PPP2R2C: variants seen among roughly 807,000 people sequenced by gnomAD.
PPP2R2C encodes protein phosphatase 2, regulatory subunit B, gamma.
PPP2R2C carries 10 observed loss-of-function variants against 45.3 expected under a neutral mutation model. The observed-to-expected ratio is 0.22, with a 90% CI of 0.14 to 0.37. The LOEUF (loss-of-function observed/expected upper bound fraction) is 0.37. Among genes scored for constraint, PPP2R2C ranks in the 10% least tolerant of loss-of-function variants. The pLI, the probability that PPP2R2C is intolerant of heterozygous loss-of-function variation, is 1.00. For synonymous variants in PPP2R2C, 257 were observed against 245.4 expected (o/e 1.05, Z -0.44); for missense variants, 308 against 619.7 (o/e 0.50, Z 5.34).
At chr4:6,375,972 G>C in intron 3 of PPP2R2C, 41 bp from the exon 4 acceptor site, 2 of 1,527,336 alleles carry the variant, frequency 1.3e-6, no homozygotes, top group Non-Finnish European at 1.8e-6. Context: ...ACATAATTAA[G>C]CAGCCGGATG....
chr4:6,350,840 G>A, intron 5 of PPP2R2C: 1 of 985,406 alleles, frequency 1.0e-6, no homozygotes, highest in African/African-American at 1.7e-5. Flanking sequence ...ACCAAAGCCA[G>A]CCTGTGACGG....
At chr4:6,385,316 T>A (rs752083837) in intron 1 of PPP2R2C, among the ~76,000 whole-genome samples, 1 of 152,244 alleles carries the variant, frequency 6.6e-6, no homozygotes. Flanking sequence ...TAATGTCTAC[T>A]CATTTTTATA....
At chr4:6,419,752 G>A (rs1175967888) in intron 1 of PPP2R2C, among the ~76,000 whole-genome samples, 6 of 152,142 alleles carry the variant, frequency 3.9e-5, no homozygotes, top group African/African-American at 1.2e-4. Flanking sequence ...GGCAGGCCTG[G>A]CTCCCTCTGG....
At chr4:6,492,806 C>T (rs1051870851) in intron 2 of PPP2R2C, among the ~76,000 whole-genome samples, 34 of 152,166 alleles carry the variant, frequency 2.2e-4, no homozygotes, top group Middle Eastern at 3.2e-3. Context: ...GACACAGGTG[C>T]ATACCGCTCC....
At chr4:6,540,476 T>C (rs1302122624) in intron 1 of PPP2R2C, among the ~76,000 whole-genome samples, 3 of 152,264 alleles carry the variant, frequency 2.0e-5, no homozygotes, top group Admixed American at 2.0e-4. Flanking sequence ...CATTCATCAG[T>C]TGATGGACAT....
chr4:6,350,321 C>T (rs988561909), intron 5 of PPP2R2C: 8 of 985,472 alleles, frequency 8.1e-6, no homozygotes, highest in Non-Finnish European at 9.6e-6. Flanking sequence ...CAGGTCCTTA[C>T]TGAACTTCAC....
At chr4:6,467,161 G>A (rs1721641491) in intron 1 of PPP2R2C, among the ~76,000 whole-genome samples, 2 of 152,296 alleles carry the variant, frequency 1.3e-5, no homozygotes, top group South Asian at 4.1e-4. Flanking sequence ...AAACAGAAGC[G>A]AAAGGAACAC....
At chr4:6,468,008 G>C (rs1472893460) in intron 1 of PPP2R2C, among the ~76,000 whole-genome samples, 1 of 152,132 alleles carries the variant, frequency 6.6e-6, no homozygotes, top group South Asian at 2.1e-4. Context: ...CACTGCAAGG[G>C]GAATGAGATC....
At chr4:6,423,603 C>A (rs16838803) in intron 1 of PPP2R2C, among the ~76,000 whole-genome samples, 2,364 of 152,242 alleles carry the variant, frequency 0.016, 34 homozygotes, top group East Asian at 0.082. Context: ...GGTAAACAGA[C>A]CCAAAAAATA....
chr4:6,451,546 G>A (rs929269041), intron 1 of PPP2R2C, among the ~76,000 whole-genome samples: 4 of 152,318 alleles, frequency 2.6e-5, no homozygotes, highest in South Asian at 2.1e-4. Flanking sequence ...AGCTTCTCTC[G>A]GGGAGGGGAC....
rs916453379 is a variant in PPP2R2C at position 6,421,183 on chromosome 4, G to A, written c.71-40089C>T. 7 of 947,920 alleles carry A rather than the reference G, an allele frequency of 7.4e-6. No homozygotes were observed. The South Asian group carries it at 3.4e-4, about 46-fold the overall frequency. 58.7% of individuals were successfully genotyped at this position (947,920 alleles called of 1,614,324 possible). A position where few individuals can be genotyped will look rare whatever the true frequency, so the allele number is the denominator to read the frequency against. On this transcript the variant is annotated intron_variant, in intron 1 of 8. Coordinates refer to ENST00000382599, the MANE Select transcript of PPP2R2C (RefSeq NM_020416.4). ...TCCTGGTTAGCACATGACCAGTGGGGGCCAATCAGATGCTCCCACCTGGAC... is the reference window on the plus strand; with the variant it reads ...TCCTGGTTAGCACATGACCAGTGGGAGCCAATCAGATGCTCCCACCTGGAC...
intron 1 of PPP2R2C, among the ~76,000 whole-genome samples, chr4:6,401,029 A>C (rs1159264628): frequency 6.6e-6 from 1 of 152,258 alleles, no homozygotes; most frequent in Non-Finnish European, 1.5e-5. Flanking sequence ...GTGGCAGGAC[A>C]TGGAAACTGA....
intron 3 of PPP2R2C, among the ~76,000 whole-genome samples, chr4:6,376,257 T>C (rs942550497): frequency 6.6e-6 from 1 of 152,080 alleles, no homozygotes; most frequent in Admixed American, 6.5e-5. Context: ...AATAGCACCA[T>C]GTTGATGAGA....
chr4:6,526,951 GC>G (rs1370138208), intron 2 of PPP2R2C, among the ~76,000 whole-genome samples: 2 of 152,064 alleles, frequency 1.3e-5, no homozygotes, highest in Non-Finnish European at 2.9e-5. Flanking sequence ...TCGCACTCCA[GC>G]CCCGAGTTCC....
At chr4:6,511,328 T>C (rs1723455855) in intron 2 of PPP2R2C, among the ~76,000 whole-genome samples, 1 of 151,742 alleles carries the variant, frequency 6.6e-6, no homozygotes, top group South Asian at 2.1e-4. Flanking sequence ...GTGGTGATGA[T>C]AGTGACAGTA....
At chr4:6,384,248 AC>A (rs35325842) in intron 1 of PPP2R2C, 1 of 985,214 alleles carries the variant, frequency 1.0e-6, no homozygotes, top group Non-Finnish European at 1.2e-6. Context: ...TCATATTAAA[AC>A]CCCCTGAGGG....
intron 1 of PPP2R2C, among the ~76,000 whole-genome samples, chr4:6,447,294 G>A (rs758172352): frequency 8.5e-5 from 13 of 152,132 alleles, no homozygotes; most frequent in Non-Finnish European, 1.9e-4. Context: ...GTGGGGACAC[G>A]CTGCCACCTC....
chr4:6,410,841 TTTTATTTATTTA>T (rs148453274), intron 1 of PPP2R2C, among the ~76,000 whole-genome samples: 2,616 of 140,402 alleles, frequency 0.019, 79 homozygotes, highest in African/African-American at 0.065. Flanking sequence ...ATTCCCCCTG[TTTTATTTATTTA>T]TTTATTTATT....
At chr4:6,556,476 G>C (rs1725403226) in intron 1 of PPP2R2C, among the ~76,000 whole-genome samples, 1 of 152,152 alleles carries the variant, frequency 6.6e-6, no homozygotes, top group Non-Finnish European at 1.5e-5. Flanking sequence ...GGACTTCTCA[G>C]CTCCATAACT....
Sources: gnomAD v4.1 joint callset for allele counts (sites outside exome capture counted in the v4.1 genomes callset) on GRCh38, gnomAD v4.1.1 for gene constraint, MANE v1.5 for transcripts, NCBI Gene and HGNC (gene_info 2026-07-23, HGNC 2026-07-21) for gene names.